The following ZNF552 variants were observed in gnomAD, a reference collection of about 807,000 sequenced individuals.
ZNF552 encodes zinc finger protein 552.
Under a neutral mutation model 7.2 loss-of-function variants are expected in ZNF552, and 2 were observed. The observed-to-expected ratio is 0.28, with a 90% CI of 0.11 to 0.88. The LOEUF is 0.88. ZNF552 is among the 40% of genes least tolerant of loss of function. ZNF552 has a pLI of 0.60. For synonymous variants in ZNF552, 173 were observed against 176.5 expected (o/e 0.98, Z 0.16); for missense variants, 421 against 493.4 (o/e 0.85, Z 1.39).
chr19:57,809,374 C>T (rs1987811440), intron 2 of ZNF552: 1 of 641,196 alleles, frequency 1.6e-6, no homozygotes, highest in Non-Finnish European at 2.8e-6. Context: ...GCAAACCACT[C>T]ATCTGCAGAA....
Position 57,808,175 on chromosome 19 carries a change from T to C in ZNF552, c.1089A>G (p.Glu363=). The C allele has an allele frequency of 6.2e-7, 1 of 1,614,098 alleles. No homozygotes were observed. Among genetic ancestry groups the C allele is most frequent in the Non-Finnish European group, 8.5e-7 (1 of 1,179,988 alleles). The part of the protein sequence containing the change: ...ECSECGKSFA[E]SSSLTKHRRV... The stretch of plus-strand genomic sequence containing the variant: ...TCCTGTGTTTAGTGAGACTGGAGCT[T>C]TCGGCAAAAGATTTCCCACATTCAC... The change falls in exon 3 of 3, where the codon GAA becomes GAG. Residue 363 remains glutamate (E), a synonymous_variant. Transcript: ENST00000391701.
chr19:57,814,830 C>T lies in ZNF552; in HGVS notation c.-87G>A, dbSNP rs777948144. ...CGTCTGTGCAAAGAGAAGAACGACT[C>T]TCGACCTCCTGGATCCAGTCACCAC... is the stretch of plus-strand genomic sequence containing the variant. On this transcript the variant is annotated 5_prime_UTR_variant, in exon 1 of 3. Coordinates refer to ENST00000391701, the MANE Select transcript of ZNF552 (RefSeq NM_024762.3). 2 of 1,354,496 alleles carry T rather than the reference C, an allele frequency of 1.5e-6. No homozygotes were observed. The highest frequency in any genetic ancestry group is 2.0e-6 in the Non-Finnish European group (2 of 980,754). The allele number at this position is 1,354,496 out of a possible 1,614,324, so 83.9% of individuals were successfully genotyped here.
intron 2 of ZNF552, among the ~76,000 whole-genome samples, chr19:57,810,431 T>C (rs1600090992): frequency 6.6e-6 from 1 of 152,204 alleles, no homozygotes; most frequent in Admixed American, 6.5e-5. Flanking sequence ...TTATTCTGCC[T>C]TGAGATGCTG....
Position 57,808,258 on chromosome 19 carries a change from T to A in ZNF552, c.1006A>T (p.Ser336Cys). Residue 336 changes from serine to cysteine, a missense_variant, in exon 3 of 3, where the codon AGC becomes TGC. Transcript: ENST00000391701. ...CSDCGKSFTH[S>C]STFRVHKRVH... The stretch of plus-strand genomic sequence containing the variant: ...CTCTTATGAACACGGAATGTAGAGC[T>A]GTGGGTAAATGACTTCCCACAATCA... 5.6e-6 allele frequency: 9 copies of A among 1,614,212 alleles called. No homozygotes were observed. The highest frequency in any genetic ancestry group is 7.6e-6 in the Non-Finnish European group (9 of 1,180,026).
chr19:57,807,841 A>G lies in ZNF552; in HGVS notation c.*199T>C, dbSNP rs1303590272. 5 of 810,316 alleles carry G rather than the reference A, an allele frequency of 6.2e-6. No homozygotes were observed. In the African/African-American group the frequency reaches 8.6e-5, roughly 14 times the overall value. The allele number at this position is 810,316 out of a possible 1,614,324, so 50.2% of individuals were successfully genotyped here. On this transcript the variant is annotated 3_prime_UTR_variant, in exon 3 of 3. Transcript: ENST00000391701. Reference sequence around the variant, plus strand: ...GTAAGGCCTTCATTCAGTGTTAACTATAATCCTGAAGGAATACAGAGGTGT... The same window carrying G: ...GTAAGGCCTTCATTCAGTGTTAACTGTAATCCTGAAGGAATACAGAGGTGT...
At chr19:57,809,647 A>T (rs1003237044) in intron 2 of ZNF552, among the ~76,000 whole-genome samples, 24 of 87,780 alleles carry the variant, frequency 2.7e-4, no homozygotes, top group Non-Finnish European at 4.0e-4. Flanking sequence ...TAAAGGATTT[A>T]AAAAAAAAAA....
At chr19:57,813,016 G>C in intron 2 of ZNF552, 1 of 480,514 alleles carries the variant, frequency 2.1e-6, no homozygotes, top group South Asian at 4.3e-5. Context: ...CCTGAAATCT[G>C]GATGAAATCA....
chr19:57,811,715 CAAA>C (rs1162967437), intron 2 of ZNF552, among the ~76,000 whole-genome samples: 1 of 49,702 alleles, frequency 2.0e-5, no homozygotes, highest in South Asian at 9.5e-4. Context: ...AACTCCATCT[CAAA>C]AAAAAAAAAA....
chr19:57,808,148 TCTC>T lies in ZNF552; in HGVS notation c.1113_1115del (p.Arg372del), dbSNP rs1245175214. ...CGTAAGGCTTTTCTCCAGTGTGAAC[TCTC>T]CTGTGTTTAGTGAGACTGGAGCTTT... is the stretch of plus-strand genomic sequence containing the variant. On this transcript the variant is annotated inframe_deletion, in exon 3 of 3. Transcript: ENST00000391701. The T allele has an allele frequency of 6.2e-7, 1 of 1,614,204 alleles. No individual in the cohort carries two copies. The highest frequency in any genetic ancestry group is 8.5e-7 in the Non-Finnish European group (1 of 1,180,036).
chr19:57,810,938 A>C (rs1053253787), intron 2 of ZNF552, among the ~76,000 whole-genome samples: 17 of 152,248 alleles, frequency 1.1e-4, no homozygotes, highest in Non-Finnish European at 1.9e-4. Flanking sequence ...GTTTATGTAT[A>C]TGCACATCAA....
At position 57,808,308 on chromosome 19, in the gene ZNF552, G is replaced by T. The variant is rs751842213; in HGVS notation, c.956C>A (p.Thr319Asn). The stretch of plus-strand genomic sequence containing the variant: ...ACTGCATTCATATGGCCTTTCTCCA[G>T]TGTGAACTCTCTGGTGTGCAATGAG... Reference protein sequence around the residue: ...YHLIAHQRVHTGERPYECSDC... With the variant: ...YHLIAHQRVHNGERPYECSDC... Residue 319 changes from threonine (T) to asparagine (N), a missense_variant, in exon 3 of 3, where the codon ACT (threonine) becomes AAT (asparagine). Transcript: ENST00000391701. 7.4e-6 allele frequency: 12 copies of T among 1,613,996 alleles called. No individual in the cohort carries two copies. The highest frequency in any genetic ancestry group is 6.7e-5 in the African/African-American group (5 of 74,906).
chr19:57,811,351 T>G (rs964579682), intron 2 of ZNF552, among the ~76,000 whole-genome samples: 27 of 151,970 alleles, frequency 1.8e-4, no homozygotes, highest in Non-Finnish European at 3.4e-4. Flanking sequence ...TTTTTTTGTA[T>G]TTTTAGTAGA....
rs770342144 is a variant in ZNF552, at chr19:57,808,250, T to C, written c.1014A>G (p.Thr338=). ...DCGKSFTHSS[T]FRVHKRVHTG... ...TGTGAACTCTCTTATGAACACGGAA[T>C]GTAGAGCTGTGGGTAAATGACTTCC... The change falls in exon 3 of 3, where the codon ACA becomes ACG. Residue 338 remains threonine (T), a synonymous_variant. Coordinates refer to ENST00000391701, the MANE Select transcript of ZNF552 (RefSeq NM_024762.3). 1.2e-6 allele frequency: 2 copies of C among 1,614,102 alleles called. No homozygotes were observed. Among genetic ancestry groups the C allele is most frequent in the South Asian group, 2.2e-5 (2 of 91,078 alleles).
chr19:57,811,715 C>CAAAAAAAAAAAAA (rs1162967437), intron 2 of ZNF552, among the ~76,000 whole-genome samples: 1 of 49,704 alleles, frequency 2.0e-5, no homozygotes, highest in African/African-American at 9.4e-5. Context: ...AACTCCATCT[C>CAAAAAAAAAAAAA]AAAAAAAAAA....
intron 2 of ZNF552, among the ~76,000 whole-genome samples, chr19:57,811,715 C>CA (rs1162967437): frequency 0.34 from 16,850 of 49,378 alleles, 3,333 homozygotes; most frequent in Non-Finnish European, 0.38. Flanking sequence ...AACTCCATCT[C>CA]AAAAAAAAAA....
chr19:57,810,706 CCGA>C (rs979809353), intron 2 of ZNF552, among the ~76,000 whole-genome samples: 7 of 152,096 alleles, frequency 4.6e-5, no homozygotes, highest in African/African-American at 1.7e-4. Flanking sequence ...ACCTGACAGC[CCGA>C]CGCCAGTAAA....
rs374454174 is a variant in ZNF552, at chr19:57,808,796, A to C, written c.468T>G (p.Phe156Leu). Residue 156 changes from phenylalanine (F) to leucine (L), a missense_variant, in exon 3 of 3, where the codon TTT becomes TTG. By Grantham distance (22) the Phe-to-Leu change is conservative. Coordinates refer to ENST00000391701, the MANE Select transcript of ZNF552 (RefSeq NM_024762.3). ...ACACATGCAACTTACACCTCTTCGC[A>C]AACAACGCCTCCTCAACACTCCCTC... Reference protein sequence around the residue: ...PYRGSVEEALFAKRCKLHVSG... With the variant: ...PYRGSVEEALLAKRCKLHVSG... 11 of 1,614,180 alleles carry C rather than the reference A, an allele frequency of 6.8e-6. No homozygotes were observed. In the African/African-American group the frequency reaches 1.3e-4, roughly 20 times the overall value.
intron 2 of ZNF552, among the ~76,000 whole-genome samples, chr19:57,809,520 C>T (rs1040847225): frequency 6.6e-6 from 1 of 151,910 alleles, no homozygotes; most frequent in Non-Finnish European, 1.5e-5. Flanking sequence ...AACCTGTATG[C>T]TAATACTGGA....
At position 57,810,711 on chromosome 19, in the gene ZNF552, G is replaced by A. The variant is rs559346912; in HGVS notation, c.161-1608C>T. ...GAAGGGAAAGACCTGACAGCCCGAC[G>A]CCAGTAAAGGGGCTGTGCTGAGGAT... On this transcript the variant is annotated intron_variant, in intron 2 of 2. Coordinates refer to ENST00000391701, the MANE Select transcript of ZNF552 (RefSeq NM_024762.3). Among the ~76,000 whole-genome samples the A allele has an allele frequency of 2.3e-4, 35 of 152,206 alleles. No individual in the cohort carries two copies. In the East Asian group the frequency reaches 3.7e-3, roughly 16 times the overall value.
Sources: gnomAD v4.1 joint callset for allele counts (sites outside exome capture counted in the v4.1 genomes callset) on GRCh38, gnomAD v4.1.1 for gene constraint, MANE v1.5 for transcripts, NCBI Gene and HGNC (gene_info 2026-07-23, HGNC 2026-07-21) for gene names.